Variants in CLEC5A observed in about 807,000 individuals in gnomAD.
CLEC5A encodes the protein C-type lectin domain containing 5A.
A neutral mutation model predicts 24.4 loss-of-function variants in CLEC5A; 15 were observed. The observed-to-expected ratio is 0.62, with a 90% CI of 0.41 to 0.95. The LOEUF (loss-of-function observed/expected upper bound fraction) is 0.95, where lower values mean the gene tolerates loss of function less well. Among genes scored for constraint, CLEC5A ranks in the 40% least tolerant of loss-of-function variants. The pLI is 0.00. For synonymous variants in CLEC5A, 71 were observed against 72.6 expected (o/e 0.98, Z 0.11); for missense variants, 211 against 224.0 (o/e 0.94, Z 0.37).
intron 1 of CLEC5A, 149 bp from the exon 2 acceptor site, chr7:141,946,461 C>G (rs77457686): frequency 4.6e-6 from 3 of 655,136 alleles, no homozygotes; most frequent in Non-Finnish European, 7.7e-6. Flanking sequence ...GGTGACCCAG[C>G]GTGGGCCGCG....
intron 4 of CLEC5A, chr7:141,936,215 A>G (rs1052969802): frequency 2.2e-6 from 1 of 460,906 alleles, no homozygotes; most frequent in Admixed American, 3.7e-5. Context: ...ACAACTATCT[A>G]CACACAAAAA....
At chr7:141,934,620 T>G (rs1390792497) in intron 5 of CLEC5A, among the ~76,000 whole-genome samples, 1 of 120,474 alleles carries the variant, frequency 8.3e-6, no homozygotes, top group East Asian at 2.5e-4. Context: ...AACGTTTTTT[T>G]TTTTTTTTTT....
chr7:141,943,698 T>TAA (rs1372363871), intron 4 of CLEC5A, among the ~76,000 whole-genome samples, 198 bp downstream of exon 4: 2 of 152,110 alleles, frequency 1.3e-5, no homozygotes, highest in Non-Finnish European at 2.9e-5. Context: ...AACTCATGAA[T>TAA]ATATATACCT....
intron 2 of CLEC5A, chr7:141,945,972 C>T (rs17712512): frequency 0.024 from 11,805 of 485,356 alleles, 215 homozygotes; most frequent in Middle Eastern, 0.034. Context: ...AAAAGCTTTG[C>T]GTGGCGTTCT....
At chr7:141,943,402 G>A (rs1389416085) in intron 4 of CLEC5A, among the ~76,000 whole-genome samples, 1 of 152,106 alleles carries the variant, frequency 6.6e-6, no homozygotes, top group East Asian at 1.9e-4. Context: ...ATAGAGCATA[G>A]AAGGATGGTT....
intron 2 of CLEC5A, 115 bp downstream of exon 2, chr7:141,946,099 T>TA: frequency 8.7e-7 from 1 of 1,147,356 alleles, no homozygotes; most frequent in African/African-American, 1.5e-5. Flanking sequence ...GGTCAGTTAG[T>TA]CTCAGGTGGA....
intron 4 of CLEC5A, 170 bp from the exon 5 acceptor site, chr7:141,936,120 C>T (rs1326740452): frequency 3.2e-6 from 2 of 631,968 alleles, no homozygotes; most frequent in Non-Finnish European, 2.8e-6. Flanking sequence ...GGTTCCTTGA[C>T]AATAATATAA....
intron 2 of CLEC5A, chr7:141,945,792 A>G (rs529629271): frequency 4.0e-5 from 13 of 324,080 alleles, no homozygotes; most frequent in Non-Finnish European, 4.6e-5. Flanking sequence ...ATTAATTTAT[A>G]TGTATACAAA....
intron 6 of CLEC5A, 145 bp from the exon 7 acceptor site, chr7:141,930,363 C>G: frequency 3.2e-6 from 2 of 624,452 alleles, no homozygotes; most frequent in Non-Finnish European, 5.6e-6. Context: ...ACTACCGGGC[C>G]CACACACGTC....
chr7:141,941,004 A>G (rs1450908693), intron 4 of CLEC5A, among the ~76,000 whole-genome samples: 1 of 152,122 alleles, frequency 6.6e-6, no homozygotes. Flanking sequence ...AAGTATTTAA[A>G]GAAGAACTAA....
At chr7:141,935,511 C>G (rs1554440954) in intron 5 of CLEC5A, among the ~76,000 whole-genome samples, 1 of 152,140 alleles carries the variant, frequency 6.6e-6, no homozygotes, top group African/African-American at 2.4e-5. Context: ...CTCATTTGGT[C>G]ATTTGCTTCA....
At chr7:141,934,505 G>A (rs930416230) in intron 5 of CLEC5A, among the ~76,000 whole-genome samples, 4 of 151,522 alleles carry the variant, frequency 2.6e-5, no homozygotes, top group South Asian at 2.1e-4. Context: ...TTGAAACATC[G>A]AAGTGGAATT....
intron 6 of CLEC5A, among the ~76,000 whole-genome samples, chr7:141,931,080 C>T (rs1443716915): frequency 6.6e-6 from 1 of 152,152 alleles, no homozygotes; most frequent in Non-Finnish European, 1.5e-5. Context: ...TCACAGGAGA[C>T]AGCTCTTGGG....
chr7:141,931,938 C>T, intron 5 of CLEC5A, 112 bp from the exon 6 acceptor site: 1 of 578,362 alleles, frequency 1.7e-6, no homozygotes, highest in Non-Finnish European at 3.0e-6. Context: ...GTAGAGAACT[C>T]TGGGACCAGC....
intron 4 of CLEC5A, among the ~76,000 whole-genome samples, chr7:141,942,305 G>A (rs1802817426): frequency 6.6e-6 from 1 of 152,028 alleles, no homozygotes; most frequent in Non-Finnish European, 1.5e-5. Context: ...GTTGACAATG[G>A]TACCACAAAC....
Position 141,930,113 on chromosome 7 carries a change from A to G in CLEC5A, c.558T>C (p.Asn186=). 1 of 1,613,086 alleles carries G rather than the reference A, an allele frequency of 6.2e-7. No individual in the cohort carries two copies. Among genetic ancestry groups the G allele is most frequent in the Non-Finnish European group, 8.5e-7 (1 of 1,179,102 alleles). The change falls in exon 7 of 7, where the codon AAT becomes AAC. Residue 186 remains asparagine, a synonymous_variant. Coordinates refer to ENST00000546910, the MANE Select transcript of CLEC5A (RefSeq NM_013252.3). The stretch of plus-strand genomic sequence containing the variant: ...TCACAGGGAACTGTGATCATTTGGC[A>G]TTCTTCTCACAGATCCTGCGGTAGC... ...DISYRRICEK[N]AK
At chr7:141,935,104 T>C (rs543116387) in intron 5 of CLEC5A, among the ~76,000 whole-genome samples, 2 of 152,308 alleles carry the variant, frequency 1.3e-5, no homozygotes, top group African/African-American at 4.8e-5. Context: ...AAGGAGAAGT[T>C]CTTACAAATT....
In CLEC5A at chr7:141,927,616, G is replaced by C. The variant is rs1802336902; in HGVS notation, c.*2488C>G. 6.6e-6 allele frequency: 1 copy of C among 152,246 alleles called. No homozygotes were observed. 9.4% of individuals were successfully genotyped at this position (152,246 alleles called of 1,614,324 possible). ...GTTCGTGAGTCTAAGGGTTGGATGG[G>C]GGTTGGCTGACCTAGGCTGGGCCCA... On this transcript the variant is annotated 3_prime_UTR_variant, in exon 7 of 7. Transcript: ENST00000546910.
intron 4 of CLEC5A, 53 bp from the exon 5 acceptor site, chr7:141,936,003 C>A: frequency 6.8e-7 from 1 of 1,461,818 alleles, no homozygotes; most frequent in Non-Finnish European, 9.6e-7. Context: ...GGTTATGAAT[C>A]CTGCAACTAA....
Sources: gnomAD v4.1 joint callset for allele counts (sites outside exome capture counted in the v4.1 genomes callset) on GRCh38, gnomAD v4.1.1 for gene constraint, MANE v1.5 for transcripts, NCBI Gene and HGNC (gene_info 2026-07-23, HGNC 2026-07-21) for gene names.